The following NHSL2 variants were observed in gnomAD, a reference collection of about 807,000 sequenced individuals.
NHSL2 encodes the protein NHS like 2, also known as NHS-like protein 2.
In NHSL2, 27 loss-of-function variants were observed where a neutral mutation model predicts 53.4. The ratio of observed to expected loss-of-function variants is 0.51; its 90% CI spans 0.37 to 0.70. The LOEUF (loss-of-function observed/expected upper bound fraction) is 0.70, where lower values mean the gene tolerates loss of function less well. Among genes scored for constraint, NHSL2 ranks in the 30% least tolerant of loss-of-function variants. The pLI, the probability that NHSL2 is intolerant of heterozygous loss-of-function variation, is 0.00. For missense variants in NHSL2, 892 were observed against 980.1 expected, an observed-to-expected ratio of 0.91 and a Z score of 1.20; for synonymous variants, 408 against 404.1, an observed-to-expected ratio of 1.01 and a Z score of -0.12.
intron 1 of NHSL2, among the ~76,000 whole-genome samples, chrX:72,020,214 AT>A (rs1569472438): frequency 8.9e-6 from 1 of 112,520 alleles, no homozygotes; most frequent in African/African-American, 3.2e-5. Context: ...TAGTTCCTTG[AT>A]TTTTTTATGC....
At chrX:71,963,971 A>ATATC (rs1556312098) in intron 1 of NHSL2, among the ~76,000 whole-genome samples, 1 of 6,274 alleles carries the variant, frequency 1.6e-4, no homozygotes, top group African/African-American at 1.9e-4. Context: ...ACATATATAT[A>ATATC]TACATATATA....
rs2042530013 is a variant in NHSL2, at chrX:72,153,253, G to A, written c.*9679G>A. The A allele has an allele frequency of 8.9e-6, 1 of 111,911 alleles. No individual in the cohort carries two copies. Among genetic ancestry groups the A allele is most frequent in the African/African-American group, 3.2e-5 (1 of 30,849 alleles). 9.2% of individuals were successfully genotyped at this position (111,911 alleles called of 1,213,427 possible). A position where few individuals can be genotyped will look rare whatever the true frequency, so the allele number is the denominator to read the frequency against. ...TCTTTATATAGCTAGAGCTGTTTGT[G>A]TCTTCTTAAAATAAACTTTTTCTGT... On this transcript the variant is annotated 3_prime_UTR_variant, in exon 8 of 8. Coordinates refer to ENST00000633930, the MANE Select transcript of NHSL2 (RefSeq NM_001013627.3).
chrX:71,967,030 A>T (rs753132281), intron 1 of NHSL2, among the ~76,000 whole-genome samples: 1 of 112,213 alleles, frequency 8.9e-6, no homozygotes, highest in Non-Finnish European at 1.9e-5. Context: ...AAACTGTGTC[A>T]TTCAAGGAAT....
chrX:71,988,806 A>T (rs1283485811), intron 1 of NHSL2, among the ~76,000 whole-genome samples: 1 of 111,438 alleles, frequency 9.0e-6, no homozygotes. Flanking sequence ...ATTTGGGGTG[A>T]GTCCATAGAG....
chrX:72,079,824 G>C (rs2041774431), intron 1 of NHSL2: 1 of 112,827 alleles, frequency 8.9e-6, no homozygotes, highest in African/African-American at 3.2e-5. Flanking sequence ...GCCCTCTGAG[G>C]GGCTCTGACT....
chrX:72,023,777 A>G (rs2042171645), intron 1 of NHSL2, among the ~76,000 whole-genome samples: 1 of 112,095 alleles, frequency 8.9e-6, no homozygotes, highest in Non-Finnish European at 1.9e-5. Context: ...AGCATGGATT[A>G]GGAAGGTTCT....
chrX:72,032,951 A>G (rs944341457), intron 1 of NHSL2, among the ~76,000 whole-genome samples: 8 of 112,264 alleles, frequency 7.1e-5, no homozygotes, highest in African/African-American at 1.3e-4. Context: ...CTGTTTATCT[A>G]TCTCTCCACC....
intron 1 of NHSL2, among the ~76,000 whole-genome samples, chrX:72,017,492 G>A (rs57239082): frequency 8.9e-6 from 1 of 112,929 alleles, no homozygotes; most frequent in East Asian, 2.8e-4. Context: ...AAGACATTCA[G>A]TAGCGTGAGG....
rs1225084092 is a variant in NHSL2, at chrX:72,150,668, T to C, written c.*7094T>C. On this transcript the variant is annotated 3_prime_UTR_variant, in exon 8 of 8. Transcript: ENST00000633930. ...TTCCTTAGTGTGGCTCTCTCTTTAG[T>C]TGGGGCCTCCTTCCTTAGTACATGC... 8.9e-6 allele frequency: 1 copy of C among 112,411 alleles called. No homozygotes were observed. Among genetic ancestry groups the C allele is most frequent in the African/African-American group, 3.2e-5 (1 of 30,915 alleles). The allele number at this position is 112,411 out of a possible 1,213,427, so 9.3% of individuals were successfully genotyped here. A position where few individuals can be genotyped will look rare whatever the true frequency, so the allele number is the denominator to read the frequency against.
At position 72,066,252 on chromosome X, in the gene NHSL2, C is replaced by T. The variant is rs768681141; in HGVS notation, c.281-65827C>T. Among the ~76,000 whole-genome samples, 252 of 111,260 alleles carry T rather than the reference C, an allele frequency of 2.3e-3. 1 individual carries two copies. Among genetic ancestry groups the T allele is most frequent in the Non-Finnish European group, 3.3e-3 (174 of 53,014 alleles). On this transcript the variant is annotated intron_variant, in intron 1 of 7. Coordinates refer to ENST00000633930, the MANE Select transcript of NHSL2 (RefSeq NM_001013627.3). ...AGCAATTTACAGGACTCAGTGAATG[C>T]GTAGGGGAGGGAGAGGAAAGCATAA...
chrX:72,044,446 GC>G, intron 1 of NHSL2: 1 of 447,390 alleles, frequency 2.2e-6, no homozygotes, highest in Non-Finnish European at 3.9e-6. Context: ...TTGTCAGGTG[GC>G]CCCCATTCCT....
At position 71,939,542 on chromosome X, in the gene NHSL2, G is replaced by T. The variant is rs752204849; in HGVS notation, c.280+28175G>T. 5.4e-5 allele frequency among the ~76,000 whole-genome samples: 6 copies of T among 111,771 alleles called. 1 individual carries two copies. In the South Asian group the frequency reaches 2.3e-3, roughly 43 times the overall value. ...AGTCAGGCATCAGGGATGATGCCTAGGTTTCTGGCCTAGACAACTGGAGAG... is the reference window on the plus strand; with the variant it reads ...AGTCAGGCATCAGGGATGATGCCTATGTTTCTGGCCTAGACAACTGGAGAG... On this transcript the variant is annotated intron_variant, in intron 1 of 7. Transcript: ENST00000633930.
At chrX:72,104,698 T>C (rs762376609) in intron 1 of NHSL2, among the ~76,000 whole-genome samples, 2 of 111,245 alleles carry the variant, frequency 1.8e-5, no homozygotes, top group South Asian at 7.6e-4. Flanking sequence ...GTATATTAAA[T>C]TTGAGACTAA....
intron 1 of NHSL2, among the ~76,000 whole-genome samples, chrX:71,997,846 A>G (rs1200745809): frequency 8.9e-6 from 1 of 112,240 alleles, no homozygotes; most frequent in Non-Finnish European, 1.9e-5. Flanking sequence ...GGTACTCAAC[A>G]GATATTTATT....
At chrX:71,965,081 TA>T (rs892764809) in intron 1 of NHSL2, among the ~76,000 whole-genome samples, 1 of 112,013 alleles carries the variant, frequency 8.9e-6, no homozygotes, top group African/African-American at 3.2e-5. Flanking sequence ...AAAACTGCTC[TA>T]AAAAAATTTT....
chrX:72,088,869 C>A (rs746258000), intron 1 of NHSL2, among the ~76,000 whole-genome samples: 132 of 112,615 alleles, frequency 1.2e-3, no homozygotes, highest in Middle Eastern at 9.1e-3. Flanking sequence ...CACATGAAGA[C>A]GGCCTTTGTC....
chrX:71,963,399 A>G (rs1428609482), intron 1 of NHSL2, among the ~76,000 whole-genome samples: 1 of 111,870 alleles, frequency 8.9e-6, no homozygotes, highest in Non-Finnish European at 1.9e-5. Flanking sequence ...ATAAAAACAA[A>G]AAATAAAATG....
chrX:72,123,170 G>C (rs2042194494), intron 1 of NHSL2, among the ~76,000 whole-genome samples: 1 of 112,347 alleles, frequency 8.9e-6, no homozygotes, highest in Non-Finnish European at 1.9e-5. Context: ...AAGGGAAAGG[G>C]AATGGAGTGT....
At chrX:72,038,367 A>G (rs1053252894) in intron 1 of NHSL2, among the ~76,000 whole-genome samples, 36 of 112,596 alleles carry the variant, frequency 3.2e-4, no homozygotes, top group African/African-American at 1.1e-3. Context: ...ACAGTCAATT[A>G]TAAACTCTTT....
Sources: allele counts gnomAD v4.1 joint callset (sites outside exome capture counted in the v4.1 genomes callset), GRCh38; gene constraint gnomAD v4.1.1; transcripts MANE v1.5; gene names NCBI Gene and HGNC (gene_info 2026-07-23, HGNC 2026-07-21).